MARF1: variants seen among roughly 807,000 people sequenced by gnomAD.
The protein encoded by MARF1 is limkain-b1.
Under a neutral mutation model 168.2 loss-of-function variants are expected in MARF1, and 24 were observed. The observed-to-expected ratio is 0.14, with a 90% CI of 0.10 to 0.20. The LOEUF (loss-of-function observed/expected upper bound fraction) is 0.20, where lower values mean the gene tolerates loss of function less well. Among genes scored for constraint, MARF1 ranks in the 10% least tolerant of loss-of-function variants. MARF1 has a pLI of 1.00. For missense variants in MARF1, 1,744 were observed against 2,143.6 expected (o/e 0.81, Z 3.68); for synonymous variants, 868 against 822.4 (o/e 1.06, Z -0.95).
At chr16:15,615,783 T>C (rs1276658832) in intron 16 of MARF1, 47 bp downstream of exon 16, 1 of 1,380,750 alleles carries the variant, frequency 7.2e-7, no homozygotes, top group South Asian at 1.8e-5. Context: ...TCCTCTGGTC[T>C]CATAGTGGAC....
In MARF1 at chr16:15,639,083, T is replaced by A; in HGVS notation, c.144+7A>T. The A allele has an allele frequency of 1.2e-6, 2 of 1,612,910 alleles. No individual in the cohort carries two copies. Among genetic ancestry groups the A allele is most frequent in the Non-Finnish European group, 1.7e-6 (2 of 1,179,480 alleles). On this transcript the variant is annotated splice_region_variant and intron_variant, in intron 2 of 26. Transcript: ENST00000396368. ...TCTGCTACATCCTTAGTCTTGCATA[T>A]AGTTACCGTTTGGGGACTATGTGGC...
At position 15,604,182 on chromosome 16, in the gene MARF1, G is replaced by A. The variant is rs1260413745; in HGVS notation, c.4399C>T (p.Pro1467Ser). The change falls in exon 22 of 27, where the codon CCA becomes TCA. Residue 1467 changes from proline (P) to serine (S), a missense_variant. This residue lies in a region of MARF1 where 9 missense variants were observed against 27.7 expected (regional missense o/e 0.32). Transcript: ENST00000396368. The part of the protein sequence containing the change: ...MTLTELLKSL[P>S]YLVEVFTNDK... ...AACGTGCCTACCTCAACCAAGTATG[G>A]CAGGCTCTTCAGCAGTTCGGTCAAG... 1 of 1,613,054 alleles carries A rather than the reference G, an allele frequency of 6.2e-7. No individual in the cohort carries two copies. Among genetic ancestry groups the A allele is most frequent in the East Asian group, 2.2e-5 (1 of 44,896 alleles).
intron 15 of MARF1, among the ~76,000 whole-genome samples, chr16:15,616,473 T>A (rs1481195742): frequency 6.6e-6 from 1 of 152,186 alleles, no homozygotes; most frequent in Non-Finnish European, 1.5e-5. Context: ...TTATGATACA[T>A]CTCCCCTCTG....
intron 22 of MARF1, chr16:15,602,885 A>G (rs928491710): frequency 7.4e-6 from 2 of 269,130 alleles, no homozygotes; most frequent in Admixed American, 1.0e-4. Context: ...AGAGGATGAC[A>G]CTAGCATTCT....
Position 15,596,926 on chromosome 16 carries a change from A to G in MARF1, c.4996T>C (p.Leu1666=), listed in dbSNP as rs1054496875. 1 of 1,603,798 alleles carries G rather than the reference A, an allele frequency of 6.2e-7. No individual in the cohort carries two copies. The highest frequency in any genetic ancestry group is 8.5e-7 in the Non-Finnish European group (1 of 1,172,760). Residue 1666 remains leucine (L), a synonymous_variant, in exon 27 of 27, where the codon TTA becomes CTA. Transcript: ENST00000396368. ...RPQEPSEIMI[L]NQEEKMEIPI... ...ATCTCCATTTTTTCTTCTTGGTTTA[A>G]AATCATAATTTCTGTAAACACAGAA...
chr16:15,624,039 G>C (rs1282970659), intron 10 of MARF1, among the ~76,000 whole-genome samples: 1 of 151,332 alleles, frequency 6.6e-6, no homozygotes, highest in Non-Finnish European at 1.5e-5. Context: ...AGCCTCCCAA[G>C]TAACTGGGAC....
intron 7 of MARF1, among the ~76,000 whole-genome samples, chr16:15,628,019 T>A (rs2034994011): frequency 1.3e-5 from 2 of 152,170 alleles, no homozygotes; most frequent in African/African-American, 4.8e-5. Context: ...ATAAATTACC[T>A]TGCTGGAAAT....
intron 2 of MARF1, 71 bp from the exon 3 acceptor site, chr16:15,636,413 T>C: frequency 1.8e-6 from 2 of 1,088,976 alleles, no homozygotes; most frequent in East Asian, 2.5e-5. Context: ...CATATCTTAC[T>C]GCATGCACAA....
intron 1 of MARF1, among the ~76,000 whole-genome samples, chr16:15,639,503 C>T (rs1265083224): frequency 6.6e-6 from 1 of 152,132 alleles, no homozygotes; most frequent in African/African-American, 2.4e-5. Context: ...CGGGTTCAAG[C>T]GATTTTTCTG....
rs2032485487 is a variant in MARF1, at chr16:15,601,999, T to C, written c.4618A>G (p.Ile1540Val). Residue 1540 changes from isoleucine to valine, a missense_variant, in exon 23 of 27, where the codon ATT becomes GTT. Around this residue, in one of 7 missense-constraint regions of MARF1, gnomAD observed 313 missense variants for 337.4 expected, o/e 0.93. Transcript: ENST00000396368. ...CTGAGAAAAATGCCCACCTGTGGAA[T>C]TGCTCCCAAGAGCTCCTCCACGCTG... ...HSSVEELLGA[I>V]PQVVWIKGHG... 7.4e-6 allele frequency: 12 copies of C among 1,613,778 alleles called. No homozygotes were observed. Among genetic ancestry groups the C allele is most frequent in the Non-Finnish European group, 1.0e-5 (12 of 1,179,784 alleles).
At chr16:15,630,531 C>G (rs754720885) in intron 6 of MARF1, 27 bp from the exon 7 acceptor site, 1 of 1,581,228 alleles carries the variant, frequency 6.3e-7, no homozygotes, top group Non-Finnish European at 8.6e-7. Flanking sequence ...AGACCAACCC[C>G]ATCCCCAAAC....
intron 5 of MARF1, among the ~76,000 whole-genome samples, chr16:15,632,849 T>A (rs1370022660): frequency 4.6e-5 from 7 of 152,140 alleles, no homozygotes; most frequent in Admixed American, 4.6e-4. Flanking sequence ...AAATCTAGAT[T>A]TGGATCTTTG....
chr16:15,628,085 G>A (rs1002590635), intron 7 of MARF1, among the ~76,000 whole-genome samples: 1 of 152,128 alleles, frequency 6.6e-6, no homozygotes, highest in Non-Finnish European at 1.5e-5. Context: ...CCACTAACAG[G>A]TAGACTGGTT....
rs1301877855 is a variant in MARF1, at chr16:15,610,350, A to T, written c.3751+625T>A. The stretch of plus-strand genomic sequence containing the variant: ...AGAAGGAGGATACGACCATACAGTC[A>T]CCCCTTGGTGTTCTCAAGGGATCGG... On this transcript the variant is annotated intron_variant, in intron 19 of 26. Coordinates refer to ENST00000396368, the MANE Select transcript of MARF1 (RefSeq NM_014647.4). 3 of 153,098 alleles carry T rather than the reference A, an allele frequency of 2.0e-5. No individual in the cohort carries two copies. The East Asian group carries it at 5.8e-4, about 29-fold the overall frequency. 9.5% of individuals were successfully genotyped at this position (153,098 alleles called of 1,614,324 possible).
intron 7 of MARF1, among the ~76,000 whole-genome samples, chr16:15,627,925 T>C (rs1480541769): frequency 1.3e-5 from 2 of 152,198 alleles, no homozygotes; most frequent in East Asian, 3.8e-4. Flanking sequence ...GAGGAAGACA[T>C]GGATCTTGCT....
intron 15 of MARF1, 44 bp downstream of exon 15, chr16:15,617,008 C>T: frequency 1.3e-6 from 2 of 1,578,580 alleles, no homozygotes; most frequent in Non-Finnish European, 1.7e-6. Context: ...CTATAAAAAG[C>T]AGAACTAGGG....
intron 7 of MARF1, 28 bp from the exon 8 acceptor site, chr16:15,625,828 C>T (rs745523076): frequency 1.3e-6 from 2 of 1,569,204 alleles, no homozygotes; most frequent in Non-Finnish European, 1.7e-6. Context: ...AGTGTTACGT[C>T]AGGTTAATTC....
At chr16:15,600,783 G>T in intron 23 of MARF1, 82 bp from the exon 24 acceptor site, 2 of 1,443,312 alleles carry the variant, frequency 1.4e-6, no homozygotes, top group South Asian at 1.1e-5. Context: ...TGTGACCTAC[G>T]GAGCCTGCCT....
In MARF1 at chr16:15,639,124, C is replaced by T. The variant is rs377230821; in HGVS notation, c.110G>A (p.Arg37His). The T allele has an allele frequency of 7.5e-5, 121 of 1,613,958 alleles. No homozygotes were observed. Among genetic ancestry groups the T allele is most frequent in the Non-Finnish European group, 9.0e-5 (106 of 1,180,014 alleles). ...WLWKFSNCFS[R>H]PEQTLPHSPQ... ...ACTATGTGGCAGCGTCTGCTCAGGA[C>T]GAGAAAAGCAATTAGAGAATTTCCA... Residue 37 changes from arginine (R) to histidine (H), a missense_variant, in exon 2 of 27, where the codon CGT becomes CAT. Physicochemically the swap from Arg to His is conservative, Grantham distance 29. Transcript: ENST00000396368.
Sources: gnomAD v4.1 joint callset for allele counts (sites outside exome capture counted in the v4.1 genomes callset) on GRCh38, gnomAD v4.1.1 for gene constraint, gnomAD v4.1.1 regional missense constraint, MANE v1.5 for transcripts, NCBI Gene and HGNC (gene_info 2026-07-23, HGNC 2026-07-21) for gene names.